Variants in TMEM87B observed in about 807,000 individuals in gnomAD.
TMEM87B encodes transmembrane protein 87B.
In TMEM87B, 83 loss-of-function variants were observed where a neutral mutation model predicts 80.3. The ratio of observed to expected loss-of-function variants is 1.03; its 90% CI spans 0.87 to 1.24. The LOEUF is 1.24. Ranked by LOEUF, TMEM87B falls within the 50% of genes most tolerant of loss-of-function variation. The probability of loss-of-function intolerance (pLI) is 0.00; values close to 1 mark genes in which losing one functional copy is unlikely to be tolerated. For missense variants in TMEM87B, 625 were observed against 674.4 expected (o/e 0.93, Z 0.81); for synonymous variants, 219 against 230.5 (o/e 0.95, Z 0.45).
At chr2:112,100,188 A>G (rs1189405567) in intron 14 of TMEM87B, among the ~76,000 whole-genome samples, 1 of 152,024 alleles carries the variant, frequency 6.6e-6, no homozygotes, top group Non-Finnish European at 1.5e-5. Flanking sequence ...CTTGATTCAC[A>G]CTCCATCAGC....
At chr2:112,056,226 T>TA (rs112979922) in intron 1 of TMEM87B, among the ~76,000 whole-genome samples, 138 of 143,814 alleles carry the variant, frequency 9.6e-4, no homozygotes, top group African/African-American at 1.4e-3. Context: ...GCCGCTTCCT[T>TA]AAAAAAAAAA....
chr2:112,072,039 T>A (rs1234352033), intron 4 of TMEM87B, among the ~76,000 whole-genome samples: 5 of 152,224 alleles, frequency 3.3e-5, no homozygotes. Flanking sequence ...ATTGAGATGA[T>A]CATGTGGTTT....
intron 5 of TMEM87B, 63 bp downstream of exon 5, chr2:112,075,025 C>T (rs773087027): frequency 1.2e-5 from 19 of 1,537,034 alleles, no homozygotes; most frequent in Non-Finnish European, 1.7e-5. Context: ...TGAAAAAAGT[C>T]GCTGATGGAT....
At chr2:112,100,880 T>C (rs1182933243) in intron 15 of TMEM87B, among the ~76,000 whole-genome samples, 185 bp downstream of exon 15, 1 of 152,208 alleles carries the variant, frequency 6.6e-6, no homozygotes, top group Non-Finnish European at 1.5e-5. Flanking sequence ...TTTTCAAGAC[T>C]ATTGTAGTTT....
intron 8 of TMEM87B, among the ~76,000 whole-genome samples, chr2:112,084,914 A>G (rs774693798): frequency 1.3e-5 from 2 of 152,254 alleles, no homozygotes; most frequent in Non-Finnish European, 2.9e-5. Flanking sequence ...TGTCAAGGCC[A>G]TAGAGGAAAT....
At chr2:112,098,277 T>G (rs1679530176) in intron 13 of TMEM87B, among the ~76,000 whole-genome samples, 1 of 152,178 alleles carries the variant, frequency 6.6e-6, no homozygotes, top group African/African-American at 2.4e-5. Context: ...TAGAGACAAT[T>G]TAATAAAAGA....
rs762666644 is a variant in TMEM87B at position 112,116,455 on chromosome 2, A to G, written c.*312A>G. 14 of 225,312 alleles carry G rather than the reference A, an allele frequency of 6.2e-5. No individual in the cohort carries two copies. Among genetic ancestry groups the G allele is most frequent in the Non-Finnish European group, 1.2e-4 (14 of 116,706 alleles). 14.0% of individuals were successfully genotyped at this position (225,312 alleles called of 1,614,324 possible). A position where few individuals can be genotyped will look rare whatever the true frequency, so the allele number is the denominator to read the frequency against. ...TTTGGGTTCTCCCTCTTTTCTCTGG[A>G]ACATATGACAATTCCAGATTAAAGA... On this transcript the variant is annotated 3_prime_UTR_variant, in exon 19 of 19. Transcript: ENST00000283206.
rs1405167231 is a variant in TMEM87B at position 112,117,204 on chromosome 2, A to G, written c.*1061A>G. Reference sequence around the variant, plus strand: ...TAGAATGTTCTAAACTTGAAAGGCAATTGAATGTAGTATGATGAAAATGTG... The same window carrying G: ...TAGAATGTTCTAAACTTGAAAGGCAGTTGAATGTAGTATGATGAAAATGTG... On this transcript the variant is annotated 3_prime_UTR_variant, in exon 19 of 19. Transcript: ENST00000283206. 2.6e-5 allele frequency: 4 copies of G among 152,238 alleles called. No individual in the cohort carries two copies. Among genetic ancestry groups the G allele is most frequent in the South Asian group, 2.1e-4 (1 of 4,814 alleles). The allele number at this position is 152,238 out of a possible 1,614,324, so 9.4% of individuals were successfully genotyped here.
chr2:112,103,398 A>G (rs1679685725), intron 15 of TMEM87B, among the ~76,000 whole-genome samples: 1 of 152,216 alleles, frequency 6.6e-6, no homozygotes, highest in African/African-American at 2.4e-5. Flanking sequence ...TGCAATCCCA[A>G]TTATAATTCT....
chr2:112,059,180 A>T (rs999134557), intron 1 of TMEM87B, among the ~76,000 whole-genome samples: 4 of 152,128 alleles, frequency 2.6e-5, no homozygotes, highest in East Asian at 1.9e-4. Context: ...TTTAATGCCT[A>T]ATCATTTGTA....
intron 11 of TMEM87B, among the ~76,000 whole-genome samples, chr2:112,093,957 C>T (rs1679378746): frequency 6.6e-6 from 1 of 152,106 alleles, no homozygotes; most frequent in African/African-American, 2.4e-5. Context: ...GTCTTATTTT[C>T]TGTCATTGTG....
intron 16 of TMEM87B, among the ~76,000 whole-genome samples, chr2:112,107,187 A>G (rs938054814): frequency 1.3e-5 from 2 of 152,004 alleles, no homozygotes; most frequent in Non-Finnish European, 2.9e-5. Context: ...GTGAAACCCC[A>G]TCTCTACTAA....
intron 6 of TMEM87B, among the ~76,000 whole-genome samples, chr2:112,080,252 A>AT (rs927281441): frequency 1.2e-4 from 14 of 121,324 alleles, no homozygotes; most frequent in South Asian, 7.8e-4. Context: ...TTTTTTTTTA[A>AT]TTTTTTTTAT....
intron 4 of TMEM87B, among the ~76,000 whole-genome samples, chr2:112,070,021 T>G (rs1367913952): frequency 1.3e-5 from 2 of 152,192 alleles, no homozygotes; most frequent in Non-Finnish European, 2.9e-5. Flanking sequence ...AATTTTTTTT[T>G]GTTTTTTTTC....
intron 15 of TMEM87B, among the ~76,000 whole-genome samples, chr2:112,102,600 G>A (rs898002928): frequency 7.9e-5 from 12 of 151,736 alleles, no homozygotes; most frequent in African/African-American, 2.7e-4. Flanking sequence ...AGGCAGAGAC[G>A]GGAGAATTGC....
intron 6 of TMEM87B, among the ~76,000 whole-genome samples, chr2:112,077,919 G>T (rs1035683135): frequency 6.6e-6 from 1 of 152,228 alleles, no homozygotes; most frequent in African/African-American, 2.4e-5. Flanking sequence ...GGGTGTGTCT[G>T]CTGGGGCCAG....
At chr2:112,063,656 A>G (rs1374496070) in intron 2 of TMEM87B, among the ~76,000 whole-genome samples, 2 of 152,242 alleles carry the variant, frequency 1.3e-5, no homozygotes, top group South Asian at 4.2e-4. Flanking sequence ...CCCATTCTTC[A>G]TGCTCTCCTG....
At position 112,055,471 on chromosome 2, in the gene TMEM87B, TCCTCCACACCCGAGTCCGAGCCCCG is replaced by T; in HGVS notation, c.-119_-95del. The T allele has an allele frequency of 8.3e-6, 10 of 1,198,594 alleles. No homozygotes were observed. In the South Asian group the frequency reaches 1.7e-4, roughly 21 times the overall value. The allele number at this position is 1,198,594 out of a possible 1,614,324, so 74.2% of individuals were successfully genotyped here. A position where few individuals can be genotyped will look rare whatever the true frequency, so the allele number is the denominator to read the frequency against. On this transcript the variant is annotated 5_prime_UTR_variant, in exon 1 of 19. Transcript: ENST00000283206. Reference sequence around the variant, plus strand: ...CCGCCCAGGCCCAAGCGCGAGCCCCTCCTCCACACCCGAGTCCGAGCCCCGCGTCCCGGATTCGGACCCGCCTGCC... The same window carrying T: ...CCGCCCAGGCCCAAGCGCGAGCCCCTCGTCCCGGATTCGGACCCGCCTGCC...
chr2:112,086,918 A>G (rs1441984461), intron 9 of TMEM87B, among the ~76,000 whole-genome samples: 2 of 152,082 alleles, frequency 1.3e-5, no homozygotes, highest in East Asian at 1.9e-4. Context: ...TCTAGACTTT[A>G]TTATATATAT....
Sources: allele counts gnomAD v4.1 joint callset (sites outside exome capture counted in the v4.1 genomes callset), GRCh38; gene constraint gnomAD v4.1.1; transcripts MANE v1.5; gene names NCBI Gene and HGNC (gene_info 2026-07-23, HGNC 2026-07-21).